SH3RF3: variants seen among roughly 807,000 people sequenced by gnomAD.
SH3RF3 encodes the protein E3 ubiquitin-protein ligase SH3RF3.
A neutral mutation model predicts 66.3 loss-of-function variants in SH3RF3; 29 were observed. That is an observed-to-expected ratio of 0.44 (90% CI 0.33 to 0.60). The LOEUF is 0.60. SH3RF3 is among the 20% of genes least tolerant of loss of function. The pLI, the probability that SH3RF3 is intolerant of heterozygous loss-of-function variation, is 0.04. For synonymous variants in SH3RF3, 583 were observed against 532.0 expected (o/e 1.10, Z -1.32); for missense variants, 1,194 against 1,190.9 (o/e 1.00, Z -0.04).
rs35020112 is a variant in SH3RF3 at position 109,360,063 on chromosome 2, C to CA, written c.850-11505dup. On this transcript the variant is annotated intron_variant, in intron 2 of 9. Coordinates refer to ENST00000309415, the MANE Select transcript of SH3RF3 (RefSeq NM_001099289.3). ...AACCACTTCTGATGTTTCCTTGCAC[C>CA]AAAAAAAAAAAAAAAAAAGTATACA... 9.3e-3 allele frequency among the ~76,000 whole-genome samples: 1,256 copies of CA among 135,142 alleles called. 9 individuals carry two copies. Among genetic ancestry groups the CA allele is most frequent in the Non-Finnish European group, 0.013 (830 of 62,606 alleles). 88.7% of individuals were successfully genotyped at this position (135,142 alleles called of 152,430 possible).
At chr2:109,455,555 A>G (rs1678029860) in intron 8 of SH3RF3, among the ~76,000 whole-genome samples, 1 of 152,184 alleles carries the variant, frequency 6.6e-6, no homozygotes, top group Admixed American at 6.5e-5. Flanking sequence ...ATGATATTAT[A>G]TAGGAGTGTG....
At chr2:109,283,939 C>T (rs977918179) in intron 1 of SH3RF3, among the ~76,000 whole-genome samples, 1 of 152,172 alleles carries the variant, frequency 6.6e-6, no homozygotes, top group Non-Finnish European at 1.5e-5. Flanking sequence ...CTTGGGGAGG[C>T]CGTGTTTCCG....
chr2:109,476,034 G>A (rs952512905), intron 8 of SH3RF3, among the ~76,000 whole-genome samples: 2 of 152,318 alleles, frequency 1.3e-5, no homozygotes, highest in East Asian at 3.9e-4. Context: ...CCTGGAGATC[G>A]GCTGTGCCCA....
chr2:109,207,530 G>T (rs1015154791), intron 1 of SH3RF3, among the ~76,000 whole-genome samples: 3 of 152,182 alleles, frequency 2.0e-5, no homozygotes, highest in African/African-American at 2.4e-5. Flanking sequence ...GAATTTCATG[G>T]TAAAACAGTG....
chr2:109,350,264 C>T (rs1282324631), intron 2 of SH3RF3, among the ~76,000 whole-genome samples: 1 of 152,194 alleles, frequency 6.6e-6, no homozygotes, highest in Non-Finnish European at 1.5e-5. Context: ...TGGAAGGTGA[C>T]CTCTTGGTTG....
At chr2:109,454,717 A>G (rs1677988965) in intron 8 of SH3RF3, among the ~76,000 whole-genome samples, 1 of 152,220 alleles carries the variant, frequency 6.6e-6, no homozygotes, top group Non-Finnish European at 1.5e-5. Context: ...GTGAGCATAC[A>G]GTAGGGACGG....
In SH3RF3 at chr2:109,394,427, G is replaced by A. The variant is rs145165294; in HGVS notation, c.946-4163G>A. 6.6e-5 allele frequency among the ~76,000 whole-genome samples: 10 copies of A among 152,254 alleles called. No individual in the cohort carries two copies. The East Asian group carries it at 1.2e-3, about 18-fold the overall frequency. ...CCGGTTTCATGTTCCCAAGAGCATC[G>A]GACTAGGGGGTGGCCCCTGCAGAGG... is the stretch of plus-strand genomic sequence containing the variant. On this transcript the variant is annotated intron_variant, in intron 3 of 9. Coordinates refer to ENST00000309415, the MANE Select transcript of SH3RF3 (RefSeq NM_001099289.3).
chr2:109,436,557 G>T (rs925645974), intron 6 of SH3RF3, among the ~76,000 whole-genome samples: 1 of 152,258 alleles, frequency 6.6e-6, no homozygotes, highest in South Asian at 2.1e-4. Flanking sequence ...TGAGTCATCT[G>T]TTCTTTCTGG....
intron 7 of SH3RF3, among the ~76,000 whole-genome samples, chr2:109,442,798 A>C (rs1395242358): frequency 7.2e-5 from 11 of 152,248 alleles, no homozygotes; most frequent in Non-Finnish European, 1.3e-4. Context: ...GAAAAGAAAC[A>C]ATACATGGGT....
chr2:109,376,407 T>A (rs1683385207), intron 3 of SH3RF3, among the ~76,000 whole-genome samples: 1 of 152,196 alleles, frequency 6.6e-6, no homozygotes, highest in Admixed American at 6.5e-5. Flanking sequence ...ACAGGCTGCC[T>A]CTGGCTGCTC....
chr2:109,199,910 C>T (rs1678627829), intron 1 of SH3RF3, among the ~76,000 whole-genome samples: 1 of 20,226 alleles, frequency 4.9e-5, no homozygotes, highest in South Asian at 1.3e-3. Context: ...TGTACACAAC[C>T]TTCAGTCTAT....
chr2:109,212,277 G>A (rs545479633), intron 1 of SH3RF3, among the ~76,000 whole-genome samples: 76 of 152,332 alleles, frequency 5.0e-4, no homozygotes, highest in African/African-American at 1.7e-3. Context: ...GCCCAGAAAA[G>A]GCTGAAGGAA....
At chr2:109,323,228 C>T (rs1682071541) in intron 1 of SH3RF3, among the ~76,000 whole-genome samples, 1 of 152,188 alleles carries the variant, frequency 6.6e-6, no homozygotes, top group Non-Finnish European at 1.5e-5. Flanking sequence ...TCAGGACCCT[C>T]TGGCTCATCA....
chr2:109,363,598 ATT>A (rs1185339049), intron 2 of SH3RF3, among the ~76,000 whole-genome samples: 1 of 152,044 alleles, frequency 6.6e-6, no homozygotes, highest in Non-Finnish European at 1.5e-5. Flanking sequence ...GACCTATATT[ATT>A]TTTCTTCTCT....
intron 1 of SH3RF3, among the ~76,000 whole-genome samples, chr2:109,324,281 GT>G (rs1224452055): frequency 1.3e-5 from 2 of 152,172 alleles, no homozygotes; most frequent in South Asian, 4.1e-4. Context: ...TGATGTACAA[GT>G]TTTTTGTGGA....
intron 1 of SH3RF3, among the ~76,000 whole-genome samples, chr2:109,275,400 A>C (rs1193865910): frequency 6.6e-6 from 1 of 152,172 alleles, no homozygotes; most frequent in African/African-American, 2.4e-5. Context: ...ATGTGGCCTG[A>C]GGAGGGTTCC....
intron 1 of SH3RF3, among the ~76,000 whole-genome samples, chr2:109,247,506 A>G (rs1433732108): frequency 6.6e-6 from 1 of 152,126 alleles, no homozygotes; most frequent in Admixed American, 6.5e-5. Context: ...TTCCCACCTT[A>G]AGGCAGGCAT....
At chr2:109,325,601 A>G (rs1023718451) in intron 1 of SH3RF3, among the ~76,000 whole-genome samples, 1 of 151,894 alleles carries the variant, frequency 6.6e-6, no homozygotes, top group Admixed American at 6.6e-5. Flanking sequence ...TTAATCCAAA[A>G]CAGTTACAGA....
chr2:109,423,717 T>G (rs1289943341), intron 5 of SH3RF3, among the ~76,000 whole-genome samples: 1 of 152,124 alleles, frequency 6.6e-6, no homozygotes, highest in Non-Finnish European at 1.5e-5. Context: ...TGCCCAGCCT[T>G]GTGGTCAGCC....
Sources: allele counts gnomAD v4.1 joint callset (sites outside exome capture counted in the v4.1 genomes callset), GRCh38; gene constraint gnomAD v4.1.1; transcripts MANE v1.5; gene names NCBI Gene and HGNC (gene_info 2026-07-23, HGNC 2026-07-21).